The following TJP2 variants were observed in gnomAD, a reference collection of about 807,000 sequenced individuals.
TJP2 encodes the protein Friedreich ataxia region gene X104 (tight junction protein ZO-2).
Under a neutral mutation model 133.1 loss-of-function variants are expected in TJP2, and 91 were observed. The ratio of observed to expected loss-of-function variants is 0.68; its 90% CI spans 0.58 to 0.81. The LOEUF (loss-of-function observed/expected upper bound fraction) is 0.81. Ranked by LOEUF, TJP2 falls within the 40% of genes least tolerant of loss-of-function variation. The probability of loss-of-function intolerance (pLI) is 0.00; values close to 1 mark genes in which losing one functional copy is unlikely to be tolerated. For missense variants in TJP2, 1,541 were observed against 1,565.6 expected (o/e 0.98, Z 0.26); for synonymous variants, 592 against 583.4 (o/e 1.01, Z -0.21).
chr9:69,158,522 C>T (rs1438709455), intron 2 of TJP2, among the ~76,000 whole-genome samples: 2 of 152,048 alleles, frequency 1.3e-5, no homozygotes, highest in East Asian at 1.9e-4. Flanking sequence ...CTATGGGCTG[C>T]GCACAGCACT....
chr9:69,129,174 C>T (rs73647078), intron 1 of TJP2, among the ~76,000 whole-genome samples: 3,800 of 152,218 alleles, frequency 0.025, 167 homozygotes, highest in African/African-American at 0.086. Context: ...TACACACAAA[C>T]GGACTAGTGT....
At chr9:69,242,571 A>G (rs1410901296) in intron 17 of TJP2, among the ~76,000 whole-genome samples, 2 of 152,226 alleles carry the variant, frequency 1.3e-5, no homozygotes, top group Admixed American at 6.5e-5. Flanking sequence ...AGAAATTGCC[A>G]ATCTCTTATG....
chr9:69,136,749 C>G (rs938869825), intron 1 of TJP2, among the ~76,000 whole-genome samples: 1 of 152,096 alleles, frequency 6.6e-6, no homozygotes, highest in Non-Finnish European at 1.5e-5. Context: ...ATGAGGAGGA[C>G]AGCGGCCCTT....
At chr9:69,235,295 T>TTTA (rs1830095567) in intron 12 of TJP2, among the ~76,000 whole-genome samples, 2 of 113,360 alleles carry the variant, frequency 1.8e-5, no homozygotes, top group East Asian at 2.1e-4. Flanking sequence ...CCTCCTAATT[T>TTTA]TTTATTTATT....
At chr9:69,163,126 C>T (rs1354049217) in intron 2 of TJP2, among the ~76,000 whole-genome samples, 1 of 52,246 alleles carries the variant, frequency 1.9e-5, no homozygotes, top group Admixed American at 2.5e-4. Flanking sequence ...CCCGGGTTCA[C>T]GCCATTCTCC....
chr9:69,131,403 G>T (rs141542010), intron 1 of TJP2, among the ~76,000 whole-genome samples: 6 of 152,218 alleles, frequency 3.9e-5, no homozygotes, highest in African/African-American at 1.2e-4. Context: ...TGGCCCACTG[G>T]TGTTGGGTCC....
At chr9:69,184,029 T>C (rs1825688707) in intron 1 of TJP2, among the ~76,000 whole-genome samples, 1 of 152,234 alleles carries the variant, frequency 6.6e-6, no homozygotes, top group South Asian at 2.1e-4. Context: ...TACAGATGTT[T>C]AACTTTGATT....
At chr9:69,221,867 T>G (rs934545587) in intron 5 of TJP2, among the ~76,000 whole-genome samples, 4 of 148,000 alleles carry the variant, frequency 2.7e-5, no homozygotes, top group African/African-American at 1.0e-4. Flanking sequence ...TAGCTACTTT[T>G]TTTTTTTTTT....
At chr9:69,191,432 CAG>C (rs1472660177) in intron 1 of TJP2, among the ~76,000 whole-genome samples, 1 of 152,182 alleles carries the variant, frequency 6.6e-6, no homozygotes, top group Non-Finnish European at 1.5e-5. Context: ...TATTTCCTGT[CAG>C]AGGAAACTTC....
chr9:69,243,788 G>T (rs1201533189), intron 17 of TJP2, among the ~76,000 whole-genome samples: 1 of 152,182 alleles, frequency 6.6e-6, no homozygotes, highest in African/African-American at 2.4e-5. Flanking sequence ...CTTTGCTGTT[G>T]CATGCCCATT....
chr9:69,185,569 G>A (rs1825802124), intron 1 of TJP2, among the ~76,000 whole-genome samples: 1 of 152,172 alleles, frequency 6.6e-6, no homozygotes, highest in African/African-American at 2.4e-5. Context: ...AGAGCTGAAA[G>A]GTGACTTAAT....
chr9:69,252,636 G>A (rs979777888), intron 21 of TJP2, among the ~76,000 whole-genome samples, 179 bp from the exon 22 acceptor site: 22 of 152,102 alleles, frequency 1.4e-4, no homozygotes, highest in African/African-American at 4.6e-4. Context: ...TTTCCTGTCT[G>A]ACGTGTACCG....
At chr9:69,206,830 G>A (rs1342275702) in intron 1 of TJP2, among the ~76,000 whole-genome samples, 3 of 152,188 alleles carry the variant, frequency 2.0e-5, no homozygotes, top group African/African-American at 7.2e-5. Context: ...ACCCGCCTCG[G>A]CCTCCCAAAG....
chr9:69,237,954 T>C lies in TJP2; in HGVS notation c.2256T>C (p.Pro752=). The C allele has an allele frequency of 6.2e-7, 1 of 1,613,556 alleles. No homozygotes were observed. Among genetic ancestry groups the C allele is most frequent in the Non-Finnish European group, 8.5e-7 (1 of 1,179,508 alleles). Residue 752 remains proline (P), a synonymous_variant, in exon 15 of 23, where the codon CCT becomes CCC. Coordinates refer to ENST00000377245, the MANE Select transcript of TJP2 (RefSeq NM_004817.4). ...TGGAAAAATTGGCTAATGAGTTACC[T>C]GACTGGTTTCAAACTGCTAGTAAGT... ...IAMEKLANEL[P]DWFQTAKTEP...
At chr9:69,128,993 T>C (rs1351339096) in intron 1 of TJP2, among the ~76,000 whole-genome samples, 1 of 152,250 alleles carries the variant, frequency 6.6e-6, no homozygotes, top group Non-Finnish European at 1.5e-5. Context: ...TTATTGCGGC[T>C]TAGGCCTCTG....
intron 19 of TJP2, chr9:69,248,517 C>T (rs986263662): frequency 6.2e-6 from 8 of 1,289,740 alleles, no homozygotes; most frequent in Admixed American, 3.6e-5. Context: ...AAATTACCAG[C>T]GGAACCTTCC....
intron 1 of TJP2, among the ~76,000 whole-genome samples, chr9:69,200,084 T>A (rs764997617): frequency 1.3e-5 from 2 of 152,224 alleles, no homozygotes; most frequent in Non-Finnish European, 2.9e-5. Context: ...TAGATTAAGC[T>A]GTTTTGACAT....
intron 1 of TJP2, among the ~76,000 whole-genome samples, chr9:69,140,216 G>C (rs1163456848): frequency 6.6e-6 from 1 of 152,214 alleles, no homozygotes; most frequent in South Asian, 2.1e-4. Context: ...AGTCAGCAAA[G>C]AAATTAAAAT....
At chr9:69,170,898 C>A (rs764281239), upstream of TJP2, among the ~76,000 whole-genome samples, 1 of 152,146 alleles carries the variant, frequency 6.6e-6, no homozygotes, top group Non-Finnish European at 1.5e-5. Flanking sequence ...GTGGGATTGT[C>A]CCCTCCCAAG....
Sources: allele counts gnomAD v4.1 joint callset (sites outside exome capture counted in the v4.1 genomes callset), GRCh38; gene constraint gnomAD v4.1.1; transcripts MANE v1.5; gene names NCBI Gene and HGNC (gene_info 2026-07-23, HGNC 2026-07-21).